NKAIN3: variants seen among roughly 807,000 people sequenced by gnomAD.
NKAIN3 encodes sodium/potassium-transporting ATPase subunit beta-1-interacting protein 3.
NKAIN3 carries 25 observed loss-of-function variants against 30.2 expected under a neutral mutation model. The ratio of observed to expected loss-of-function variants is 0.83; its 90% CI spans 0.60 to 1.16. NKAIN3 has a LOEUF of 1.16. Ranked by LOEUF, NKAIN3 falls within the 50% of genes most tolerant of loss-of-function variation. The probability of loss-of-function intolerance (pLI) is 0.00; values close to 1 mark genes in which losing one functional copy is unlikely to be tolerated. For missense variants in NKAIN3, 225 were observed against 254.1 expected (o/e 0.89, Z 0.78); for synonymous variants, 91 against 89.6 (o/e 1.02, Z -0.09).
intron 3 of NKAIN3, among the ~76,000 whole-genome samples, chr8:62,652,284 C>T (rs1352931693): frequency 6.6e-6 from 1 of 152,242 alleles, no homozygotes; most frequent in East Asian, 1.9e-4. Flanking sequence ...TCATTCAACA[C>T]TTTATGTGAT....
At chr8:62,399,432 G>A in intron 1 of NKAIN3, among the ~76,000 whole-genome samples, 1 of 152,090 alleles carries the variant, frequency 6.6e-6, no homozygotes, top group East Asian at 1.9e-4. Context: ...CTTGAACCTG[G>A]TAGGTGGAGG....
At chr8:62,997,758 A>T (rs905833036) in intron 5 of NKAIN3, among the ~76,000 whole-genome samples, 223 of 149,254 alleles carry the variant, frequency 1.5e-3, no homozygotes, top group East Asian at 2.4e-3. Flanking sequence ...TTTTCTTTAA[A>T]AAAAAAAAAA....
rs114052041 is a variant in NKAIN3 at position 62,819,322 on chromosome 8, C to A, written c.471+72193C>A. Among the ~76,000 whole-genome samples the A allele has an allele frequency of 1.5e-3, 233 of 151,774 alleles. 1 individual carries two copies. The highest frequency in any genetic ancestry group is 5.2e-3 in the African/African-American group (216 of 41,424). On this transcript the variant is annotated intron_variant, in intron 4 of 6. Coordinates refer to ENST00000623646, the MANE Select transcript of NKAIN3 (RefSeq NM_001304533.3). Reference sequence around the variant, plus strand: ...AAACAACATTGTGGAAGATAGATGACATATGATGAATAAAAAGTGACTAAA... The same window carrying A: ...AAACAACATTGTGGAAGATAGATGAAATATGATGAATAAAAAGTGACTAAA...
chr8:62,472,565 A>G (rs1806385877), intron 1 of NKAIN3, among the ~76,000 whole-genome samples: 1 of 152,204 alleles, frequency 6.6e-6, no homozygotes, highest in Non-Finnish European at 1.5e-5. Context: ...GAGAGGAGAC[A>G]GAGAAGCAGC....
intron 4 of NKAIN3, among the ~76,000 whole-genome samples, chr8:62,749,340 TG>T (rs1164132188): frequency 6.6e-6 from 1 of 152,186 alleles, no homozygotes; most frequent in Non-Finnish European, 1.5e-5. Flanking sequence ...AAACTGTATG[TG>T]TTGCCACCTA....
chr8:62,689,945 A>AAAAT (rs77511780), intron 3 of NKAIN3, among the ~76,000 whole-genome samples: 16,026 of 145,432 alleles, frequency 0.11, 991 homozygotes, highest in South Asian at 0.13. Context: ...CACCGCACTG[A>AAAAT]AAATAAATAA....
chr8:62,914,317 G>C (rs1185362320), intron 4 of NKAIN3, among the ~76,000 whole-genome samples: 3 of 152,052 alleles, frequency 2.0e-5, no homozygotes, highest in Non-Finnish European at 4.4e-5. Context: ...CACAAAGAAA[G>C]AAACAATAGA....
intron 4 of NKAIN3, among the ~76,000 whole-genome samples, chr8:62,852,629 G>C (rs978227284): frequency 2.6e-5 from 4 of 151,982 alleles, no homozygotes; most frequent in Non-Finnish European, 5.9e-5. Context: ...CTTTGAATGT[G>C]TCCCAAAGAT....
chr8:62,805,558 T>A (rs1220384958), intron 4 of NKAIN3, among the ~76,000 whole-genome samples: 1 of 152,096 alleles, frequency 6.6e-6, no homozygotes, highest in Non-Finnish European at 1.5e-5. Flanking sequence ...GGGAAAGGAT[T>A]CCCTATTTAA....
Position 62,982,842 on chromosome 8 carries a change from G to A in NKAIN3, c.*17435G>A, listed in dbSNP as rs1430114606. 1 of 152,046 alleles carries A rather than the reference G, an allele frequency of 6.6e-6. No homozygotes were observed. The highest frequency in any genetic ancestry group is 6.6e-5 in the Admixed American group (1 of 15,262). 9.4% of individuals were successfully genotyped at this position (152,046 alleles called of 1,614,324 possible). The stretch of plus-strand genomic sequence containing the variant: ...AAGTTGTCATCCTCCACAAGATCTT[G>A]CCCACACTCAAAACAAACTTGCTTC... On this transcript the variant is annotated 3_prime_UTR_variant, in exon 7 of 7. Coordinates refer to ENST00000623646, the MANE Select transcript of NKAIN3 (RefSeq NM_001304533.3).
chr8:62,749,727 G>C (rs1816213730), intron 4 of NKAIN3, among the ~76,000 whole-genome samples: 1 of 137,190 alleles, frequency 7.3e-6, no homozygotes, highest in Admixed American at 8.4e-5. Flanking sequence ...TTGTTGCCCA[G>C]GCTGGAGCGT....
intron 1 of NKAIN3, among the ~76,000 whole-genome samples, chr8:62,307,061 A>C (rs2129588360): frequency 6.7e-6 from 1 of 149,932 alleles, no homozygotes; most frequent in South Asian, 2.1e-4. Flanking sequence ...TCACTGCTGG[A>C]ATGTGGTCAA....
intron 4 of NKAIN3, 84 bp downstream of exon 4, chr8:62,747,213 C>A: frequency 2.5e-6 from 2 of 810,966 alleles, no homozygotes; most frequent in Non-Finnish European, 4.0e-6. Flanking sequence ...ATAGAAAATG[C>A]CACAGATAAG....
In NKAIN3 at chr8:62,589,718, C is replaced by T. The variant is rs1194005915; in HGVS notation, c.197C>T (p.Thr66Ile). ...CCCTCCCCCATTTCTATCTAGTATA[C>T]AGTGTGGACTGCCCTCTGGGTCACC... Reference protein sequence around the residue: ...QYRPRYIMVYTVWTALWVTWN... With the variant: ...QYRPRYIMVYIVWTALWVTWN... The change falls in exon 3 of 7, where the codon ACA becomes ATA. Residue 66 changes from threonine (T) to isoleucine (I), a missense_variant. Coordinates refer to ENST00000623646, the MANE Select transcript of NKAIN3 (RefSeq NM_001304533.3). 6.4e-7 allele frequency: 1 copy of T among 1,555,616 alleles called. No homozygotes were observed. Among genetic ancestry groups the T allele is most frequent in the Non-Finnish European group, 8.8e-7 (1 of 1,130,538 alleles).
At chr8:62,534,082 A>G (rs1352388552) in intron 1 of NKAIN3, among the ~76,000 whole-genome samples, 1 of 152,018 alleles carries the variant, frequency 6.6e-6, no homozygotes, top group Non-Finnish European at 1.5e-5. Flanking sequence ...GAATTTTCTG[A>G]GTCTCTCTCT....
intron 5 of NKAIN3, chr8:62,990,163 C>A (rs1312732511): frequency 7.3e-6 from 9 of 1,226,980 alleles, no homozygotes; most frequent in Non-Finnish European, 1.0e-5. Flanking sequence ...ATTTTTTATT[C>A]TCAGATTCAT....
At chr8:62,324,869 A>G (rs2129589673) in intron 1 of NKAIN3, among the ~76,000 whole-genome samples, 1 of 152,242 alleles carries the variant, frequency 6.6e-6, no homozygotes, top group Non-Finnish European at 1.5e-5. Context: ...CTCGGCTGCA[A>G]GCTTGAAAAT....
chr8:62,256,702 G>A (rs1207333920), intron 1 of NKAIN3, among the ~76,000 whole-genome samples: 1 of 152,174 alleles, frequency 6.6e-6, no homozygotes, highest in East Asian at 1.9e-4. Context: ...AGGGAGTCCA[G>A]ATAGAAGCCC....
At chr8:62,533,399 T>C (rs1329485385) in intron 1 of NKAIN3, among the ~76,000 whole-genome samples, 1 of 152,230 alleles carries the variant, frequency 6.6e-6, no homozygotes, top group African/African-American at 2.4e-5. Context: ...CTCTGTGTGG[T>C]GACACCAAAA....
Sources: allele counts gnomAD v4.1 joint callset (sites outside exome capture counted in the v4.1 genomes callset), GRCh38; gene constraint gnomAD v4.1.1; transcripts MANE v1.5; gene names NCBI Gene and HGNC (gene_info 2026-07-23, HGNC 2026-07-21).